Variants in SGCZ observed in about 807,000 individuals in gnomAD.
The protein encoded by SGCZ is zeta-sarcoglycan.
In SGCZ, 40 loss-of-function variants were observed where a neutral mutation model predicts 41.3. The observed-to-expected ratio is 0.97, with a 90% CI of 0.75 to 1.26. The LOEUF is 1.26. Ranked by LOEUF, SGCZ falls within the 50% of genes most tolerant of loss-of-function variation. The pLI, the probability that SGCZ is intolerant of heterozygous loss-of-function variation, is 0.00. For synonymous variants in SGCZ, 206 were observed against 137.5 expected (o/e 1.50, Z -3.49); for missense variants, 552 against 369.8 (o/e 1.49, Z -4.04).
intron 1 of SGCZ, among the ~76,000 whole-genome samples, chr8:15,090,171 C>A (rs1450017407): frequency 6.6e-6 from 1 of 152,188 alleles, no homozygotes; most frequent in African/African-American, 2.4e-5. Context: ...AGACAAAGGT[C>A]ATGACATCCA....
At chr8:14,176,351 A>T (rs1227522140) in intron 4 of SGCZ, among the ~76,000 whole-genome samples, 2 of 152,230 alleles carry the variant, frequency 1.3e-5, no homozygotes, top group African/African-American at 4.8e-5. Flanking sequence ...TTTGAAATGA[A>T]AAACAAAAAG....
At chr8:14,506,676 C>A (rs899799784) in intron 2 of SGCZ, among the ~76,000 whole-genome samples, 1 of 152,168 alleles carries the variant, frequency 6.6e-6, no homozygotes, top group African/African-American at 2.4e-5. Context: ...TGCCCTTCCC[C>A]ATTTATAATG....
intron 1 of SGCZ, among the ~76,000 whole-genome samples, chr8:14,769,401 T>C (rs28408280): frequency 6.6e-6 from 1 of 152,010 alleles, no homozygotes; most frequent in Admixed American, 6.5e-5. Flanking sequence ...GAACTTTTTT[T>C]AAAAAAGTTC....
rs533614604 is a variant in SGCZ, at chr8:14,459,542, G to A, written c.234+95190C>T. ...GATCTATTGATAGATGCTAATGTGA[G>A]TAAACAGAAGTTTGAGGAGAAGCAA... On this transcript the variant is annotated intron_variant, in intron 2 of 7. Coordinates refer to ENST00000382080, the MANE Select transcript of SGCZ (RefSeq NM_139167.4). Among the ~76,000 whole-genome samples, 13 of 152,256 alleles carry A rather than the reference G, an allele frequency of 8.5e-5. No homozygotes were observed. The East Asian group carries it at 2.1e-3, about 25-fold the overall frequency.
intron 2 of SGCZ, among the ~76,000 whole-genome samples, chr8:14,394,523 A>G (rs534326323): frequency 1.4e-4 from 21 of 152,286 alleles, no homozygotes; most frequent in African/African-American, 4.6e-4. Flanking sequence ...ACACATGTAC[A>G]TCTTGAGACA....
intron 1 of SGCZ, among the ~76,000 whole-genome samples, chr8:14,792,997 A>T (rs940548174): frequency 5.3e-5 from 8 of 152,330 alleles, no homozygotes; most frequent in Admixed American, 1.3e-4. Flanking sequence ...CATTTATTTG[A>T]CAATGCTATT....
At chr8:15,129,707 C>CAAAAAAA (rs59401421) in intron 1 of SGCZ, among the ~76,000 whole-genome samples, 27 of 107,768 alleles carry the variant, frequency 2.5e-4, no homozygotes, top group Admixed American at 4.2e-4. Context: ...GAAGCATTTG[C>CAAAAAAA]AAAAAAAAAA....
intron 2 of SGCZ, among the ~76,000 whole-genome samples, chr8:14,545,021 G>A (rs113453795): frequency 0.016 from 2,466 of 152,142 alleles, 39 homozygotes; most frequent in African/African-American, 0.032. Flanking sequence ...AAACTCAGGC[G>A]AGCATCAAGT....
rs149471557 is a variant in SGCZ, at chr8:14,959,903, G to C, written c.39+277682C>G. Among the ~76,000 whole-genome samples the C allele has an allele frequency of 2.7e-3, 405 of 152,250 alleles. 1 individual carries two copies. Among genetic ancestry groups the C allele is most frequent in the African/African-American group, 9.2e-3 (381 of 41,562 alleles). On this transcript the variant is annotated intron_variant, in intron 1 of 7. Coordinates refer to ENST00000382080, the MANE Select transcript of SGCZ (RefSeq NM_139167.4). Reference sequence around the variant, plus strand: ...TTAGCTTTTCCTGATTTTCCAGCACGCGCTGAGGGAAGGTCAGTTTTAACT... The same window carrying C: ...TTAGCTTTTCCTGATTTTCCAGCACCCGCTGAGGGAAGGTCAGTTTTAACT...
chr8:14,820,960 T>C (rs912256381), intron 1 of SGCZ, among the ~76,000 whole-genome samples: 2 of 145,016 alleles, frequency 1.4e-5, no homozygotes, highest in African/African-American at 5.0e-5. Context: ...TCAAAATTGG[T>C]TGAAGGAAGG....
intron 1 of SGCZ, among the ~76,000 whole-genome samples, chr8:14,728,051 G>T (rs2466921): frequency 0.76 from 116,027 of 151,978 alleles, 44,246 homozygotes; most frequent in Admixed American, 0.8. Context: ...TAGGCAAAAT[G>T]TATCTACGGT....
chr8:14,233,783 A>G (rs1806657709), intron 4 of SGCZ, among the ~76,000 whole-genome samples: 1 of 151,690 alleles, frequency 6.6e-6, no homozygotes, highest in Non-Finnish European at 1.5e-5. Context: ...TATAAAAGAA[A>G]AATAATATTC....
intron 1 of SGCZ, among the ~76,000 whole-genome samples, chr8:15,082,864 G>C (rs2131048118): frequency 6.6e-6 from 1 of 152,150 alleles, no homozygotes; most frequent in Admixed American, 6.5e-5. Context: ...TACTTTGAAA[G>C]GCTGACTTCG....
At chr8:14,429,177 A>T (rs1353550525) in intron 2 of SGCZ, among the ~76,000 whole-genome samples, 1 of 152,190 alleles carries the variant, frequency 6.6e-6, no homozygotes, top group Non-Finnish European at 1.5e-5. Flanking sequence ...AAACATAAAC[A>T]TAACAAATAA....
intron 1 of SGCZ, among the ~76,000 whole-genome samples, chr8:15,180,315 A>G (rs1250797964): frequency 2.0e-5 from 3 of 152,218 alleles, no homozygotes; most frequent in African/African-American, 2.4e-5. Flanking sequence ...CACTGGCTAT[A>G]TAAAAGCCAT....
At chr8:14,521,428 C>T (rs1354211187) in intron 2 of SGCZ, among the ~76,000 whole-genome samples, 1 of 151,946 alleles carries the variant, frequency 6.6e-6, no homozygotes, top group Admixed American at 6.6e-5. Context: ...CTATGTTTAC[C>T]TATGTAACAA....
chr8:14,209,933 A>G (rs1277584638), intron 4 of SGCZ, among the ~76,000 whole-genome samples: 1 of 152,202 alleles, frequency 6.6e-6, no homozygotes, highest in African/African-American at 2.4e-5. Flanking sequence ...TGAGCTGAAT[A>G]AATACATTTC....
Position 14,108,222 on chromosome 8 carries a change from G to A in SGCZ, c.561C>T (p.Ala187=), listed in dbSNP as rs755167299. The A allele has an allele frequency of 1.2e-5, 20 of 1,613,888 alleles. No homozygotes were observed. The highest frequency in any genetic ancestry group is 1.6e-5 in the Non-Finnish European group (19 of 1,179,994). The stretch of plus-strand genomic sequence containing the variant: ...GCGTCTCCACAGAGTGCCCAAATAC[G>A]GCTCCTTCAGTGCCTGGGGGTAGCA... ...EKLKVTGTEG[A]VFGHSVETPH... The change falls in exon 6 of 8, where the codon GCC becomes GCT. Residue 187 remains alanine, a synonymous_variant. Transcript: ENST00000382080.
chr8:14,239,998 T>C (rs2117175353), intron 3 of SGCZ, among the ~76,000 whole-genome samples: 1 of 150,402 alleles, frequency 6.6e-6, no homozygotes, highest in East Asian at 2.0e-4. Context: ...CAATGGATAG[T>C]TTACTTAATT....
Sources: allele counts gnomAD v4.1 joint callset (sites outside exome capture counted in the v4.1 genomes callset), GRCh38; gene constraint gnomAD v4.1.1; transcripts MANE v1.5; gene names NCBI Gene and HGNC (gene_info 2026-07-23, HGNC 2026-07-21).